LRRC4C: variants seen among roughly 807,000 people sequenced by gnomAD.
The protein encoded by LRRC4C is leucine-rich repeat-containing protein 4C.
Under a neutral mutation model 33.6 loss-of-function variants are expected in LRRC4C, and 5 were observed. The ratio of observed to expected loss-of-function variants is 0.15; its 90% CI spans 0.08 to 0.31. LRRC4C has a LOEUF of 0.31. Among genes scored for constraint, LRRC4C ranks in the 10% least tolerant of loss-of-function variants. The pLI is 1.00. For synonymous variants in LRRC4C, 329 were observed against 302.0 expected (o/e 1.09, Z -0.93); for missense variants, 560 against 796.7 (o/e 0.70, Z 3.58).
intron 1 of LRRC4C, among the ~76,000 whole-genome samples, chr11:41,018,471 C>T (rs550658596): frequency 1.3e-5 from 2 of 152,266 alleles, no homozygotes; most frequent in East Asian, 3.9e-4. Context: ...AGCAGGTTGA[C>T]TTACAACTCG....
chr11:40,330,068 G>A (rs1946290225), intron 3 of LRRC4C, among the ~76,000 whole-genome samples: 1 of 152,078 alleles, frequency 6.6e-6, no homozygotes, highest in African/African-American at 2.4e-5. Context: ...TAGGTACAGT[G>A]TCATTCTCAG....
chr11:41,311,629 T>G (rs1950644860), intron 1 of LRRC4C, among the ~76,000 whole-genome samples: 1 of 152,208 alleles, frequency 6.6e-6, no homozygotes, highest in Non-Finnish European at 1.5e-5. Context: ...TTTTGGCATT[T>G]AAGAGTTAAA....
At chr11:40,367,339 T>A (rs1484872062) in intron 3 of LRRC4C, among the ~76,000 whole-genome samples, 2 of 152,124 alleles carry the variant, frequency 1.3e-5, no homozygotes, top group Admixed American at 6.6e-5. Flanking sequence ...CATTTTCTCA[T>A]CTTGTCTGAG....
chr11:40,917,300 C>T (rs921150104), intron 2 of LRRC4C, among the ~76,000 whole-genome samples: 3 of 151,986 alleles, frequency 2.0e-5, no homozygotes, highest in Non-Finnish European at 4.4e-5. Flanking sequence ...TAAGAGATTT[C>T]CTGGGTAACT....
intron 1 of LRRC4C, among the ~76,000 whole-genome samples, chr11:41,409,327 T>A (rs1954370328): frequency 6.6e-6 from 1 of 152,158 alleles, no homozygotes; most frequent in Non-Finnish European, 1.5e-5. Context: ...AATAAACTAT[T>A]CAACTCTTGA....
At chr11:40,226,853 T>A (rs1414432515) in intron 5 of LRRC4C, among the ~76,000 whole-genome samples, 1 of 152,208 alleles carries the variant, frequency 6.6e-6, no homozygotes, top group African/African-American at 2.4e-5. Context: ...ATTTCAATAG[T>A]TATTTAAATG....
intron 1 of LRRC4C, among the ~76,000 whole-genome samples, chr11:41,191,387 G>T (rs530278732): frequency 1.3e-5 from 2 of 152,152 alleles, no homozygotes; most frequent in South Asian, 4.1e-4. Context: ...AGAATTATTT[G>T]CCTGATTAAA....
intron 1 of LRRC4C, among the ~76,000 whole-genome samples, chr11:41,147,066 G>T (rs1349872100): frequency 6.6e-6 from 1 of 152,124 alleles, no homozygotes; most frequent in Non-Finnish European, 1.5e-5. Flanking sequence ...AAATATACTT[G>T]CATTTTTAGA....
chr11:41,351,561 C>T (rs1475385912), intron 1 of LRRC4C, among the ~76,000 whole-genome samples: 2 of 152,002 alleles, frequency 1.3e-5, no homozygotes, highest in Non-Finnish European at 2.9e-5. Flanking sequence ...CCAAGATGAA[C>T]ACATAAGAAA....
chr11:40,622,477 G>A (rs925814927), intron 3 of LRRC4C, among the ~76,000 whole-genome samples: 1 of 151,684 alleles, frequency 6.6e-6, no homozygotes, highest in Non-Finnish European at 1.5e-5. Flanking sequence ...TTTCTCCCTT[G>A]GCTATGAAAG....
chr11:41,054,421 G>A (rs1157647221), intron 1 of LRRC4C, among the ~76,000 whole-genome samples: 2 of 152,166 alleles, frequency 1.3e-5, no homozygotes. Context: ...AATTCTCAGG[G>A]AATGGATTTT....
At position 40,690,484 on chromosome 11, in the gene LRRC4C, G is replaced by C. The variant is rs1322328882; in HGVS notation, c.-406-42206C>G. Among the ~76,000 whole-genome samples, 3 of 152,070 alleles carry C rather than the reference G, an allele frequency of 2.0e-5. No individual in the cohort carries two copies. The East Asian group carries it at 5.8e-4, about 29-fold the overall frequency. The stretch of plus-strand genomic sequence containing the variant: ...CAAAGACGCAAAGACAGGCAAGGGA[G>C]TTGGAAAGCTTTATAGGCGAAAAAA... On this transcript the variant is annotated intron_variant, in intron 2 of 6. Transcript: ENST00000528697.
At chr11:40,116,457 AAATCT>A in intron 6 of LRRC4C, 123 bp from the exon 7 acceptor site, 2 of 1,001,196 alleles carry the variant, frequency 2.0e-6, no homozygotes, top group Non-Finnish European at 2.8e-6. Flanking sequence ...AATTAAAAAC[AAATCT>A]AATATCCTTT....
At chr11:40,412,955 C>G (rs11035827) in intron 3 of LRRC4C, among the ~76,000 whole-genome samples, 3 of 151,994 alleles carry the variant, frequency 2.0e-5, no homozygotes, top group African/African-American at 7.2e-5. Flanking sequence ...ACTTCAGTTT[C>G]TAAACATGGT....
intron 1 of LRRC4C, among the ~76,000 whole-genome samples, chr11:41,052,235 A>C (rs943018912): frequency 2.0e-5 from 3 of 151,976 alleles, no homozygotes; most frequent in Non-Finnish European, 4.4e-5. Context: ...AATATAAAAA[A>C]CTCTCTGTTT....
chr11:41,071,743 A>G (rs533356053), intron 1 of LRRC4C, among the ~76,000 whole-genome samples: 10 of 152,222 alleles, frequency 6.6e-5, no homozygotes, highest in South Asian at 2.1e-4. Flanking sequence ...TCTAGCTACC[A>G]TAGATAGTAC....
At chr11:41,166,567 C>A (rs1944738558) in intron 1 of LRRC4C, among the ~76,000 whole-genome samples, 1 of 152,054 alleles carries the variant, frequency 6.6e-6, no homozygotes, top group Admixed American at 6.6e-5. Context: ...AGTTTGTGCC[C>A]TCTGTTAGAA....
At chr11:40,287,845 T>C (rs912131653) in intron 4 of LRRC4C, among the ~76,000 whole-genome samples, 13 of 152,230 alleles carry the variant, frequency 8.5e-5, no homozygotes, top group Non-Finnish European at 1.9e-4. Context: ...TGTTTTAAAA[T>C]GGCAGGACCT....
intron 3 of LRRC4C, among the ~76,000 whole-genome samples, chr11:40,602,222 A>G (rs1276103650): frequency 2.0e-5 from 3 of 147,266 alleles, no homozygotes; most frequent in African/African-American, 4.9e-5. Flanking sequence ...AAAAAAAAAG[A>G]GGTATGTGAA....
Sources: gnomAD v4.1 joint callset for allele counts (sites outside exome capture counted in the v4.1 genomes callset) on GRCh38, gnomAD v4.1.1 for gene constraint, MANE v1.5 for transcripts, NCBI Gene and HGNC (gene_info 2026-07-23, HGNC 2026-07-21) for gene names.